Variants in LTBP2 observed in about 807,000 individuals in gnomAD.
LTBP2 encodes the protein latent transforming growth factor beta binding protein 2.
A neutral mutation model predicts 210.6 loss-of-function variants in LTBP2; 103 were observed. The ratio of observed to expected loss-of-function variants is 0.49; its 90% CI spans 0.42 to 0.58. LTBP2 has a LOEUF of 0.58. LTBP2 is among the 20% of genes least tolerant of loss of function. The pLI, the probability that LTBP2 is intolerant of heterozygous loss-of-function variation, is 0.00. For synonymous variants in LTBP2, 1,007 were observed against 1,015.0 expected (o/e 0.99, Z 0.15); for missense variants, 2,313 against 2,494.5 (o/e 0.93, Z 1.55).
chr14:74,533,851 T>G (rs1488416242), intron 9 of LTBP2, among the ~76,000 whole-genome samples: 1 of 152,180 alleles, frequency 6.6e-6, no homozygotes, highest in Non-Finnish European at 1.5e-5. Context: ...GGGGCCATCT[T>G]GATGATGGCA....
intron 8 of LTBP2, among the ~76,000 whole-genome samples, chr14:74,546,013 G>A (rs567701957): frequency 3.1e-4 from 47 of 152,304 alleles, no homozygotes; most frequent in African/African-American, 1.1e-3. Flanking sequence ...TCCATGTCAG[G>A]AATAGTGGCA....
Position 74,529,043 on chromosome 14 carries a change from C to T in LTBP2, c.2067G>A (p.Gln689=), listed in dbSNP as rs1156319981. Reference sequence around the variant, plus strand: ...AGCAGCATATCTGCTTGGTGATCCGCTGGGCCAAAGGCAGGGTGCAGGTGC... The same window carrying T: ...AGCAGCATATCTGCTTGGTGATCCGTTGGGCCAAAGGCAGGGTGCAGGTGC... ...GPGTCTLPLA[Q]RITKQICCCS... is the part of the protein sequence containing the mutation. The change falls in exon 11 of 36, where the codon CAG becomes CAA. Residue 689 remains glutamine (Q), a synonymous_variant. Coordinates refer to ENST00000261978, the MANE Select transcript of LTBP2 (RefSeq NM_000428.3). The T allele has an allele frequency of 6.3e-7, 1 of 1,578,716 alleles. No homozygotes were observed. Among genetic ancestry groups the T allele is most frequent in the Admixed American group, 1.8e-5 (1 of 54,794 alleles).
intron 25 of LTBP2, among the ~76,000 whole-genome samples, chr14:74,507,577 T>C (rs2087007500): frequency 6.6e-6 from 1 of 152,234 alleles, no homozygotes; most frequent in Non-Finnish European, 1.5e-5. Context: ...ATCTGTCTCC[T>C]ATCCCTACCA....
intron 2 of LTBP2, among the ~76,000 whole-genome samples, chr14:74,602,988 C>A (rs2088469420): frequency 6.6e-6 from 1 of 152,216 alleles, no homozygotes; most frequent in Non-Finnish European, 1.5e-5. Flanking sequence ...GCATGTTCTG[C>A]AGAACATAGG....
In LTBP2 at chr14:74,552,264, C is replaced by G. The variant is rs2087669589; in HGVS notation, c.1322G>C (p.Arg441Thr). 1 of 1,613,150 alleles carries G rather than the reference C, an allele frequency of 6.2e-7. No individual in the cohort carries two copies. The highest frequency in any genetic ancestry group is 8.5e-7 in the Non-Finnish European group (1 of 1,179,912). Residue 441 changes from arginine to threonine, a missense_variant, in exon 6 of 36, where the codon AGG becomes ACG. This residue lies in a region of LTBP2 where 1,867 missense variants were observed against 1,976.9 expected (regional missense o/e 0.94). Transcript: ENST00000261978. ...IPQPDREPPG[R>T]GSRPRALLEA... ...CAGCAAGGCCCTGGGGCGGGACCCC[C>G]TCCCTGGAGGCTCCCTGTCCGGCTG...
chr14:74,529,692 C>T (rs936691363), intron 10 of LTBP2, among the ~76,000 whole-genome samples: 2 of 152,192 alleles, frequency 1.3e-5, no homozygotes, highest in Non-Finnish European at 2.9e-5. Flanking sequence ...AATCAACCAG[C>T]CAATCAAAAT....
chr14:74,587,161 C>T (rs923828108), intron 2 of LTBP2, among the ~76,000 whole-genome samples: 1 of 152,184 alleles, frequency 6.6e-6, no homozygotes, highest in Non-Finnish European at 1.5e-5. Flanking sequence ...AGGACCTCCA[C>T]TGGGGAACAC....
At chr14:74,552,620 T>G (rs970321497) in intron 5 of LTBP2, among the ~76,000 whole-genome samples, 5 of 152,230 alleles carry the variant, frequency 3.3e-5, no homozygotes, top group Non-Finnish European at 5.9e-5. Context: ...GGCGTTTCCC[T>G]GCACCCCACA....
intron 8 of LTBP2, among the ~76,000 whole-genome samples, chr14:74,539,132 G>C (rs2087459933): frequency 6.6e-6 from 1 of 152,222 alleles, no homozygotes; most frequent in East Asian, 1.9e-4. Context: ...CAAGGCCATG[G>C]GTACACATGG....
rs184245459 is a variant in LTBP2, at chr14:74,588,215, T to A, written c.566-2097A>T. ...CTGCCATTAGTTTTTGTTGTTGTTG[T>A]TTTTGTTTTTTGGGTTTTTGTTTTG... On this transcript the variant is annotated intron_variant, in intron 2 of 35. Coordinates refer to ENST00000261978, the MANE Select transcript of LTBP2 (RefSeq NM_000428.3). Among the ~76,000 whole-genome samples, 33 of 152,156 alleles carry A rather than the reference T, an allele frequency of 2.2e-4. 1 individual carries two copies. The highest frequency in any genetic ancestry group is 5.2e-4 in the Admixed American group (8 of 15,286).
At chr14:74,599,843 G>A (rs917628206) in intron 2 of LTBP2, among the ~76,000 whole-genome samples, 1 of 152,266 alleles carries the variant, frequency 6.6e-6, no homozygotes, top group South Asian at 2.1e-4. Context: ...AGTGGGTTGG[G>A]CCCACAGATA....
chr14:74,555,469 T>A (rs1403380948), intron 4 of LTBP2, 34 bp downstream of exon 4: 8 of 1,607,546 alleles, frequency 5.0e-6, no homozygotes, highest in African/African-American at 1.3e-5. Context: ...CTAGAGGCCC[T>A]GCTCTTCTAG....
At chr14:74,509,481 C>G in intron 21 of LTBP2, 118 bp from the exon 22 acceptor site, 1 of 1,450,990 alleles carries the variant, frequency 6.9e-7, no homozygotes, top group Non-Finnish European at 9.5e-7. Context: ...AACCCCCTCC[C>G]TAGAACGCTC....
intron 3 of LTBP2, among the ~76,000 whole-genome samples, chr14:74,559,257 G>A (rs1409588082): frequency 1.3e-5 from 2 of 152,054 alleles, no homozygotes; most frequent in Non-Finnish European, 2.9e-5. Context: ...ATATACACAG[G>A]GCCAAGTGTC....
intron 2 of LTBP2, among the ~76,000 whole-genome samples, chr14:74,592,723 T>C (rs1167795328): frequency 1.3e-5 from 2 of 152,188 alleles, no homozygotes; most frequent in Non-Finnish European, 2.9e-5. Flanking sequence ...GTATGGGTTA[T>C]GTGGTTCTAA....
At chr14:74,610,937 C>G (rs1279278308) in intron 1 of LTBP2, among the ~76,000 whole-genome samples, 1 of 152,222 alleles carries the variant, frequency 6.6e-6, no homozygotes, top group Admixed American at 6.5e-5. Context: ...CCACGCCCCA[C>G]GACACTTGTC....
At chr14:74,607,030 G>A (rs754940321) in intron 1 of LTBP2, among the ~76,000 whole-genome samples, 1 of 152,072 alleles carries the variant, frequency 6.6e-6, no homozygotes, top group African/African-American at 2.4e-5. Flanking sequence ...CTAACACAGT[G>A]CCCAACATGT....
In LTBP2 at chr14:74,612,030, C is replaced by G. The variant is rs951981858; in HGVS notation, c.-86G>C. On this transcript the variant is annotated 5_prime_UTR_variant, in exon 1 of 36. Transcript: ENST00000261978. Reference sequence around the variant, plus strand: ...GCTGGACGCCCGCGGGCTGTTCTCCCGGCCCCGCCCGGCGGCCAGCTTCTC... The same window carrying G: ...GCTGGACGCCCGCGGGCTGTTCTCCGGGCCCCGCCCGGCGGCCAGCTTCTC... 1.5e-6 allele frequency: 2 copies of G among 1,348,010 alleles called. No homozygotes were observed. Among genetic ancestry groups the G allele is most frequent in the Non-Finnish European group, 1.9e-6 (2 of 1,038,910 alleles). The allele number at this position is 1,348,010 out of a possible 1,614,324, so 83.5% of individuals were successfully genotyped here. A position where few individuals can be genotyped will look rare whatever the true frequency, so the allele number is the denominator to read the frequency against.
At chr14:74,565,828 G>C (rs1441421987) in intron 3 of LTBP2, among the ~76,000 whole-genome samples, 1 of 152,168 alleles carries the variant, frequency 6.6e-6, no homozygotes, top group Non-Finnish European at 1.5e-5. Context: ...CGTTAACTCT[G>C]CCAACGTTTT....
Sources: gnomAD v4.1 joint callset for allele counts (sites outside exome capture counted in the v4.1 genomes callset) on GRCh38, gnomAD v4.1.1 for gene constraint, gnomAD v4.1.1 regional missense constraint, MANE v1.5 for transcripts, NCBI Gene and HGNC (gene_info 2026-07-23, HGNC 2026-07-21) for gene names.